Variants in ARHGAP26 observed in about 807,000 individuals in gnomAD.
The protein encoded by ARHGAP26 is rho GTPase-activating protein 26.
Under a neutral mutation model 104.8 loss-of-function variants are expected in ARHGAP26, and 38 were observed. That is an observed-to-expected ratio of 0.36 (90% confidence interval 0.28 to 0.48). The LOEUF is 0.48. Ranked by LOEUF, ARHGAP26 falls within the 20% of genes least tolerant of loss-of-function variation. ARHGAP26 has a pLI of 0.99. For missense variants in ARHGAP26, 704 were observed against 947.9 expected, an observed-to-expected ratio of 0.74 and a Z score of 3.38; for synonymous variants, 341 against 340.0, an observed-to-expected ratio of 1.00 and a Z score of -0.03.
chr5:143,056,421 G>GT lies in ARHGAP26; in HGVS notation c.1432+341dup, dbSNP rs745457383. 4.7e-5 allele frequency among the ~76,000 whole-genome samples: 7 copies of GT among 150,242 alleles called. No homozygotes were observed. The South Asian group carries it at 6.4e-4, about 14-fold the overall frequency. On this transcript the variant is annotated intron_variant, in intron 16 of 22. Coordinates refer to ENST00000645722, the MANE Select transcript of ARHGAP26 (RefSeq NM_001135608.3). ...GATTATTGGAGTTCTAACTTCTTAG[G>GT]TTTTTTCCAGCCTTTGAGTAGCATT...
At chr5:143,030,147 T>G (rs1475167910) in intron 12 of ARHGAP26, among the ~76,000 whole-genome samples, 1 of 152,244 alleles carries the variant, frequency 6.6e-6, no homozygotes, top group Non-Finnish European at 1.5e-5. Flanking sequence ...AGGTTGGAGT[T>G]GAGCAACTGC....
intron 1 of ARHGAP26, among the ~76,000 whole-genome samples, chr5:142,856,829 A>G (rs1022928503): frequency 2.6e-5 from 4 of 152,206 alleles, no homozygotes; most frequent in African/African-American, 9.7e-5. Flanking sequence ...ATACTTGAGC[A>G]TCCATGGATT....
At position 142,925,596 on chromosome 5, in the gene ARHGAP26, C is replaced by T. The variant is rs143414760; in HGVS notation, c.1029-6451C>T. Among the ~76,000 whole-genome samples, 21 of 152,324 alleles carry T rather than the reference C, an allele frequency of 1.4e-4. No homozygotes were observed. In the East Asian group the frequency reaches 3.9e-3, roughly 28 times the overall value. On this transcript the variant is annotated intron_variant, in intron 10 of 22. Transcript: ENST00000645722. ...TGTTAGGAATTCATTTTCCCAGTAGCACTTTAGAAACAAAGGACCACTTCC... is the reference window on the plus strand; with the variant it reads ...TGTTAGGAATTCATTTTCCCAGTAGTACTTTAGAAACAAAGGACCACTTCC...
At chr5:143,131,518 G>T (rs1797350651) in intron 18 of ARHGAP26, among the ~76,000 whole-genome samples, 1 of 152,190 alleles carries the variant, frequency 6.6e-6, no homozygotes, top group African/African-American at 2.4e-5. Flanking sequence ...AGGGATTGCT[G>T]AAGGTGCTGT....
rs955488077 is a variant in ARHGAP26, at chr5:143,200,657, A to T, written c.1989-6541A>T. The stretch of plus-strand genomic sequence containing the variant: ...ACAGTGATTATCAGTGGCATAAATT[A>T]TGTATGGTTGTATTTCTTTTCTTCT... On this transcript the variant is annotated intron_variant, in intron 20 of 22. Transcript: ENST00000645722. 3.9e-5 allele frequency among the ~76,000 whole-genome samples: 6 copies of T among 152,222 alleles called. No homozygotes were observed. In the East Asian group the frequency reaches 9.6e-4, roughly 24 times the overall value.
chr5:142,854,890 A>G (rs1752093816), intron 1 of ARHGAP26, among the ~76,000 whole-genome samples: 1 of 152,128 alleles, frequency 6.6e-6, no homozygotes. Flanking sequence ...TCTCTACTCT[A>G]CGCTCCCATG....
rs144619495 is a variant in ARHGAP26, at chr5:142,959,999, G to A, written c.1107+27874G>A. Among the ~76,000 whole-genome samples, 6 of 152,356 alleles carry A rather than the reference G, an allele frequency of 3.9e-5. No homozygotes were observed. The East Asian group carries it at 1.2e-3, about 29-fold the overall frequency. Reference sequence around the variant, plus strand: ...TTTGTATTCCAAGGGCCCAGTAATAGAAATGGCCTCTAGGCAGCAATGACT... The same window carrying A: ...TTTGTATTCCAAGGGCCCAGTAATAAAAATGGCCTCTAGGCAGCAATGACT... On this transcript the variant is annotated intron_variant, in intron 11 of 22. Coordinates refer to ENST00000645722, the MANE Select transcript of ARHGAP26 (RefSeq NM_001135608.3).
chr5:143,009,879 G>A (rs1457491922), intron 11 of ARHGAP26, among the ~76,000 whole-genome samples: 1 of 152,200 alleles, frequency 6.6e-6, no homozygotes, highest in Non-Finnish European at 1.5e-5. Flanking sequence ...AGTCTTCTGA[G>A]GAGCCACAGA....
At chr5:142,862,026 CA>C (rs1753452019) in intron 1 of ARHGAP26, among the ~76,000 whole-genome samples, 1 of 152,228 alleles carries the variant, frequency 6.6e-6, no homozygotes, top group Non-Finnish European at 1.5e-5. Flanking sequence ...TTTCCGAATT[CA>C]CAACTGTTGA....
chr5:143,060,441 G>GA (rs1175225453), intron 17 of ARHGAP26, among the ~76,000 whole-genome samples: 9 of 151,976 alleles, frequency 5.9e-5, no homozygotes, highest in South Asian at 2.1e-4. Context: ...ATTCAGAGGG[G>GA]AAAAAAAGTA....
At chr5:142,970,712 A>G (rs1772141642) in intron 11 of ARHGAP26, among the ~76,000 whole-genome samples, 1 of 152,146 alleles carries the variant, frequency 6.6e-6, no homozygotes, top group African/African-American at 2.4e-5. Flanking sequence ...CCCAAGGGAG[A>G]ATCAAGGTGT....
intron 17 of ARHGAP26, among the ~76,000 whole-genome samples, chr5:143,095,987 C>CT (rs35680556): frequency 2.0e-5 from 3 of 152,056 alleles, no homozygotes; most frequent in Admixed American, 6.6e-5. Flanking sequence ...TTTGGATATT[C>CT]TTTTTTTAAA....
At chr5:142,880,948 A>C (rs1409980803) in intron 4 of ARHGAP26, among the ~76,000 whole-genome samples, 1 of 152,242 alleles carries the variant, frequency 6.6e-6, no homozygotes, top group Non-Finnish European at 1.5e-5. Context: ...TTTAGTTTAC[A>C]CATTTATGAG....
chr5:142,857,538 C>T (rs1447448193), intron 1 of ARHGAP26, among the ~76,000 whole-genome samples: 3 of 152,282 alleles, frequency 2.0e-5, no homozygotes, highest in African/African-American at 7.2e-5. Context: ...CCTCGTCCCT[C>T]CTGCAGCAAG....
intron 6 of ARHGAP26, among the ~76,000 whole-genome samples, chr5:142,894,779 T>C (rs2152433523): frequency 6.6e-6 from 1 of 152,334 alleles, no homozygotes; most frequent in East Asian, 1.9e-4. Flanking sequence ...CTTTTTACCC[T>C]GTGGTTCAAA....
chr5:143,027,971 T>A (rs915206689), intron 12 of ARHGAP26, among the ~76,000 whole-genome samples: 3 of 152,200 alleles, frequency 2.0e-5, no homozygotes, highest in Non-Finnish European at 4.4e-5. Flanking sequence ...ATAGAAATGG[T>A]AGGATCCACA....
chr5:142,842,437 C>T (rs1286297620), intron 1 of ARHGAP26, among the ~76,000 whole-genome samples: 4 of 152,166 alleles, frequency 2.6e-5, no homozygotes, highest in East Asian at 1.9e-4. Flanking sequence ...TTTATGCCCC[C>T]GTCTTGTGTG....
intron 1 of ARHGAP26, among the ~76,000 whole-genome samples, chr5:142,868,286 GGCTGGA>G (rs747972983): frequency 6.6e-6 from 1 of 152,190 alleles, no homozygotes. Context: ...AACTGGCAGA[GGCTGGA>G]GCAGCTGGAG....
intron 20 of ARHGAP26, among the ~76,000 whole-genome samples, chr5:143,155,070 C>T (rs1300034137): frequency 2.0e-5 from 3 of 152,118 alleles, no homozygotes; most frequent in Non-Finnish European, 2.9e-5. Flanking sequence ...CACCCACCTC[C>T]AAGCAGAAAA....
Sources: gnomAD v4.1 joint callset for allele counts (sites outside exome capture counted in the v4.1 genomes callset) on GRCh38, gnomAD v4.1.1 for gene constraint, MANE v1.5 for transcripts, NCBI Gene and HGNC (gene_info 2026-07-23, HGNC 2026-07-21) for gene names.